The following ASAP3 variants were observed in gnomAD, a reference collection of about 807,000 sequenced individuals.
The protein encoded by ASAP3 is ArfGAP with SH3 domain, ankyrin repeat and PH domain 3.
A neutral mutation model predicts 118.2 loss-of-function variants in ASAP3; 85 were observed. That is an observed-to-expected ratio of 0.72 (90% CI 0.60 to 0.86). The LOEUF (loss-of-function observed/expected upper bound fraction) is 0.86, where lower values mean the gene tolerates loss of function less well. ASAP3 is among the 40% of genes least tolerant of loss of function. The pLI is 0.00. For missense variants in ASAP3, 1,026 were observed against 1,175.0 expected (o/e 0.87, Z 1.85); for synonymous variants, 432 against 477.4 (o/e 0.90, Z 1.24).
intron 1 of ASAP3, among the ~76,000 whole-genome samples, chr1:23,469,837 G>A (rs564497605): frequency 1.2e-4 from 18 of 152,174 alleles, no homozygotes; most frequent in Admixed American, 2.0e-4. Context: ...TCTAAGAAAC[G>A]CAGAGACCTC....
chr1:23,442,052 C>T (rs1278827015), intron 7 of ASAP3, 134 bp downstream of exon 7: 3 of 940,452 alleles, frequency 3.2e-6, no homozygotes, highest in African/African-American at 1.6e-5. Flanking sequence ...GGTGAGCACT[C>T]AATGAGGAAC....
chr1:23,474,060 C>T (rs1642044625), intron 1 of ASAP3, among the ~76,000 whole-genome samples: 2 of 148,264 alleles, frequency 1.3e-5, no homozygotes, highest in Non-Finnish European at 3.0e-5. Flanking sequence ...ATCCACCTCC[C>T]GGGTTCAAGC....
chr1:23,459,552 T>C (rs1641500556), intron 1 of ASAP3, among the ~76,000 whole-genome samples: 1 of 152,184 alleles, frequency 6.6e-6, no homozygotes, highest in Admixed American at 6.5e-5. Flanking sequence ...GGAATTGGGC[T>C]CTGGAAAGCT....
At position 23,455,392 on chromosome 1, in the gene ASAP3, T is replaced by C. The variant is rs542052768; in HGVS notation, c.348+489A>G. Reference sequence around the variant, plus strand: ...GAAGCAACCCGAGGCCACTGGGCCATGTACAGGGGCTGAGACGCTTGTGGA... The same window carrying C: ...GAAGCAACCCGAGGCCACTGGGCCACGTACAGGGGCTGAGACGCTTGTGGA... On this transcript the variant is annotated intron_variant, in intron 3 of 24. Coordinates refer to ENST00000336689, the MANE Select transcript of ASAP3 (RefSeq NM_017707.4). Among the ~76,000 whole-genome samples, 240 of 152,262 alleles carry C rather than the reference T, an allele frequency of 1.6e-3. 1 individual carries two copies. Among genetic ancestry groups the C allele is most frequent in the African/African-American group, 5.6e-3 (232 of 41,542 alleles).
intron 1 of ASAP3, among the ~76,000 whole-genome samples, chr1:23,476,200 G>T (rs1205433800): frequency 6.6e-6 from 1 of 151,888 alleles, no homozygotes; most frequent in Non-Finnish European, 1.5e-5. Context: ...ACAAAAATTA[G>T]CTGGGTGTGG....
intron 1 of ASAP3, among the ~76,000 whole-genome samples, chr1:23,458,203 G>A (rs528664428): frequency 1.3e-5 from 2 of 152,228 alleles, no homozygotes; most frequent in Non-Finnish European, 2.9e-5. Flanking sequence ...ACATGAGGCT[G>A]GGCATGGTGG....
At chr1:23,432,904 C>T (rs1440571602) in intron 22 of ASAP3, among the ~76,000 whole-genome samples, 173 bp downstream of exon 22, 1 of 152,190 alleles carries the variant, frequency 6.6e-6, no homozygotes, top group East Asian at 1.9e-4. Context: ...GGATCTTAAA[C>T]ATGTGACTTA....
At chr1:23,481,491 G>A (rs952428924) in intron 1 of ASAP3, among the ~76,000 whole-genome samples, 1 of 152,224 alleles carries the variant, frequency 6.6e-6, no homozygotes, top group African/African-American at 2.4e-5. Flanking sequence ...CCTCAGGGAA[G>A]TCTAATCCAA....
intron 17 of ASAP3, 23 bp from the exon 18 acceptor site, chr1:23,434,641 G>C: frequency 6.2e-7 from 1 of 1,608,560 alleles, no homozygotes; most frequent in Non-Finnish European, 8.5e-7. Flanking sequence ...CCACACCTCT[G>C]AGATTCCCCC....
chr1:23,453,633 C>T (rs1252216475), intron 3 of ASAP3, among the ~76,000 whole-genome samples: 1 of 152,094 alleles, frequency 6.6e-6, no homozygotes, highest in African/African-American at 2.4e-5. Flanking sequence ...TCTGTGATTT[C>T]GCAACCTAAA....
intron 24 of ASAP3, 80 bp downstream of exon 24, chr1:23,430,955 C>A: frequency 7.4e-7 from 1 of 1,346,624 alleles, no homozygotes; most frequent in Non-Finnish European, 1.0e-6. Flanking sequence ...GTCTCCCACC[C>A]CAATACGCCT....
At position 23,438,600 on chromosome 1, in the gene ASAP3, A is replaced by C; in HGVS notation, c.1102+147T>G. 1.5e-6 allele frequency: 1 copy of C among 646,242 alleles called. No homozygotes were observed. Among genetic ancestry groups the C allele is most frequent in the Non-Finnish European group, 2.7e-6 (1 of 371,942 alleles). 40.0% of individuals were successfully genotyped at this position (646,242 alleles called of 1,614,324 possible). A position where few individuals can be genotyped will look rare whatever the true frequency, so the allele number is the denominator to read the frequency against. On this transcript the variant is annotated intron_variant, in intron 12 of 24. Coordinates refer to ENST00000336689, the MANE Select transcript of ASAP3 (RefSeq NM_017707.4). This position sits in a 1 kb window ranked among gnomAD's most constrained non-coding sequence, Gnocchi z 4.9. ...ATGTGATGTGGGTATCCTAGACCTAAGGATTCTTATGTCTGCAGTAGCAGC... is the reference window on the plus strand; with the variant it reads ...ATGTGATGTGGGTATCCTAGACCTACGGATTCTTATGTCTGCAGTAGCAGC...
At chr1:23,478,714 C>T (rs900268379) in intron 1 of ASAP3, among the ~76,000 whole-genome samples, 1 of 151,708 alleles carries the variant, frequency 6.6e-6, no homozygotes, top group Non-Finnish European at 1.5e-5. Context: ...GAGCTGAGAT[C>T]GTGCCACTGC....
chr1:23,448,151 G>A (rs1641104830), intron 5 of ASAP3, among the ~76,000 whole-genome samples: 1 of 152,228 alleles, frequency 6.6e-6, no homozygotes, highest in South Asian at 2.1e-4. Context: ...GTACTTAAAT[G>A]CTAGTTACTA....
At chr1:23,468,870 C>CAA (rs1172330542) in intron 1 of ASAP3, among the ~76,000 whole-genome samples, 21 of 47,276 alleles carry the variant, frequency 4.4e-4, no homozygotes, top group Non-Finnish European at 5.1e-4. Context: ...GACTCCATCT[C>CAA]AAAAAAAAAA....
At chr1:23,433,301 A>T (rs763512813) in intron 21 of ASAP3, 29 bp from the exon 22 acceptor site, 2 of 1,605,192 alleles carry the variant, frequency 1.2e-6, no homozygotes, top group Non-Finnish European at 1.7e-6. Context: ...GAGGATGAGG[A>T]CAGCCTGGTT....
At chr1:23,462,761 AAAAC>A (rs200145737) in intron 1 of ASAP3, among the ~76,000 whole-genome samples, 2,831 of 152,288 alleles carry the variant, frequency 0.019, 33 homozygotes, top group Non-Finnish European at 0.028. Flanking sequence ...TCCGTCTCAA[AAAAC>A]AAACAAAAAA....
At chr1:23,469,787 G>T (rs531715851) in intron 1 of ASAP3, among the ~76,000 whole-genome samples, 1 of 152,312 alleles carries the variant, frequency 6.6e-6, no homozygotes, top group Admixed American at 6.5e-5. Context: ...AACTGAGGCT[G>T]GGGTAGGTTA....
chr1:23,454,500 G>T (rs1432892853), intron 3 of ASAP3, among the ~76,000 whole-genome samples: 1 of 151,962 alleles, frequency 6.6e-6, no homozygotes. Context: ...TCATACTTTT[G>T]TAGAGTCAGG....
Sources: gnomAD v4.1 joint callset for allele counts (sites outside exome capture counted in the v4.1 genomes callset) on GRCh38, gnomAD v4.1.1 for gene constraint, Gnocchi (gnomAD v3.1) non-coding constraint, MANE v1.5 for transcripts, NCBI Gene and HGNC (gene_info 2026-07-23, HGNC 2026-07-21) for gene names.